ANO6: variants seen among roughly 807,000 people sequenced by gnomAD.
The protein encoded by ANO6 is anoctamin 6.
A neutral mutation model predicts 117.5 loss-of-function variants in ANO6; 106 were observed. The observed-to-expected ratio is 0.90, with a 90% CI of 0.77 to 1.06. The LOEUF (loss-of-function observed/expected upper bound fraction) is 1.06, where lower values mean the gene tolerates loss of function less well. Among genes scored for constraint, ANO6 ranks in the 50% least tolerant of loss-of-function variants. The pLI, the probability that ANO6 is intolerant of heterozygous loss-of-function variation, is 0.00. For missense variants in ANO6, 955 were observed against 1,121.1 expected (o/e 0.85, Z 2.12); for synonymous variants, 367 against 385.1 (o/e 0.95, Z 0.55).
chr12:45,297,810 G>A (rs1196739574), intron 1 of ANO6, among the ~76,000 whole-genome samples: 2 of 152,040 alleles, frequency 1.3e-5, no homozygotes, highest in African/African-American at 4.8e-5. Flanking sequence ...TCTTTTGACC[G>A]AAATCATCAA....
At chr12:45,360,372 G>A (rs58152224) in intron 8 of ANO6, among the ~76,000 whole-genome samples, 3,055 of 152,268 alleles carry the variant, frequency 0.02, 42 homozygotes, top group East Asian at 0.038. Context: ...GGCAAGTGGG[G>A]AGAACTCCCC....
chr12:45,302,172 T>A, intron 2 of ANO6, 79 bp downstream of exon 2: 2 of 1,297,634 alleles, frequency 1.5e-6, no homozygotes, highest in Non-Finnish European at 2.2e-6. Flanking sequence ...AGTTCTTTTA[T>A]GAATTCATTC....
chr12:45,408,636 T>TTAA (rs1943007450), intron 15 of ANO6, among the ~76,000 whole-genome samples: 1 of 152,190 alleles, frequency 6.6e-6, no homozygotes, highest in African/African-American at 2.4e-5. Flanking sequence ...AAATAGGAAT[T>TTAA]GGACCTATTT....
intron 10 of ANO6, among the ~76,000 whole-genome samples, chr12:45,381,257 G>A (rs1364184157): frequency 1.3e-5 from 2 of 152,212 alleles, no homozygotes; most frequent in East Asian, 3.8e-4. Context: ...AGGAAGAGCT[G>A]TTATTGATCC....
In ANO6 at chr12:45,216,284, A is replaced by G. The variant is rs540609555; in HGVS notation, c.-38A>G. 1.8e-5 allele frequency: 29 copies of G among 1,583,988 alleles called. No homozygotes were observed. The South Asian group carries it at 3.1e-4, about 17-fold the overall frequency. ...CCGTTCTGGAACCCGGGAGCCCCCA[A>G]CTTCGCGCCAAGTTCGGAGCCGCCT... On this transcript the variant is annotated 5_prime_UTR_variant, in exon 1 of 20. Coordinates refer to ENST00000320560, the MANE Select transcript of ANO6 (RefSeq NM_001025356.3).
Position 45,348,288 on chromosome 12 carries a change from C to T in ANO6, c.606C>T (p.Phe202=). 6.2e-7 allele frequency: 1 copy of T among 1,614,062 alleles called. No individual in the cohort carries two copies. Among genetic ancestry groups the T allele is most frequent in the Non-Finnish European group, 8.5e-7 (1 of 1,179,962 alleles). ...TTTACATAGTTGATAGAGATGCTTTCTTCAATCCAGCCACCAGAAGCCGCA... is the reference window on the plus strand; with the variant it reads ...TTTACATAGTTGATAGAGATGCTTTTTTCAATCCAGCCACCAGAAGCCGCA... The part of the protein sequence containing the change: ...NDFYIVDRDA[F]FNPATRSRIV... Residue 202 remains phenylalanine, a synonymous_variant, in exon 5 of 20, where the codon TTC becomes TTT. Transcript: ENST00000320560.
chr12:45,295,360 A>G (rs1939253055), intron 1 of ANO6, among the ~76,000 whole-genome samples: 1 of 152,208 alleles, frequency 6.6e-6, no homozygotes, highest in Non-Finnish European at 1.5e-5. Flanking sequence ...AACTGAGGCC[A>G]GAGAAAGAGA....
At chr12:45,370,537 G>A (rs1048909449) in intron 9 of ANO6, among the ~76,000 whole-genome samples, 20 of 152,212 alleles carry the variant, frequency 1.3e-4, no homozygotes, top group Non-Finnish European at 2.8e-4. Flanking sequence ...GGCAAGTAGA[G>A]TGTTGTCAAA....
chr12:45,324,935 T>A (rs1432896067), intron 2 of ANO6, among the ~76,000 whole-genome samples: 2 of 152,130 alleles, frequency 1.3e-5, no homozygotes, highest in Non-Finnish European at 2.9e-5. Flanking sequence ...TTAGAAAAGG[T>A]GGGCAATTCA....
intron 1 of ANO6, among the ~76,000 whole-genome samples, chr12:45,299,417 C>G (rs909521609): frequency 6.6e-6 from 1 of 152,224 alleles, no homozygotes; most frequent in Non-Finnish European, 1.5e-5. Flanking sequence ...TTGGTTCACA[C>G]ATAGGGTGTC....
intron 1 of ANO6, among the ~76,000 whole-genome samples, chr12:45,285,573 C>T (rs778432861): frequency 2.0e-5 from 3 of 151,934 alleles, no homozygotes; most frequent in Non-Finnish European, 4.4e-5. Flanking sequence ...TACTAAAATA[C>T]AAAAAATTAG....
At chr12:45,370,983 G>C (rs969437532) in intron 9 of ANO6, among the ~76,000 whole-genome samples, 1 of 152,208 alleles carries the variant, frequency 6.6e-6, no homozygotes, top group Non-Finnish European at 1.5e-5. Context: ...CAGACAGTGG[G>C]CGCAGGTCAG....
intron 7 of ANO6, among the ~76,000 whole-genome samples, chr12:45,352,586 A>G (rs1240541055): frequency 6.9e-6 from 1 of 145,244 alleles, no homozygotes; most frequent in Admixed American, 6.8e-5. Context: ...AAAAAAAGCC[A>G]GGCACGATGG....
chr12:45,230,340 G>A (rs1947556077), intron 1 of ANO6, among the ~76,000 whole-genome samples: 1 of 151,738 alleles, frequency 6.6e-6, no homozygotes, highest in African/African-American at 2.4e-5. Context: ...TATAACTTTG[G>A]GGCCTTGGTT....
chr12:45,221,173 T>G (rs1449232989), intron 1 of ANO6, among the ~76,000 whole-genome samples: 1 of 152,226 alleles, frequency 6.6e-6, no homozygotes, highest in Non-Finnish European at 1.5e-5. Flanking sequence ...CGTTCATTGC[T>G]GAACAACTAC....
At chr12:45,240,532 G>T (rs1486950822) in intron 1 of ANO6, among the ~76,000 whole-genome samples, 4 of 150,872 alleles carry the variant, frequency 2.7e-5, no homozygotes, top group Non-Finnish European at 5.9e-5. Context: ...TTTTAACTGG[G>T]GCATTTAACC....
intron 12 of ANO6, among the ~76,000 whole-genome samples, chr12:45,399,857 G>GA: frequency 6.6e-6 from 1 of 152,288 alleles, no homozygotes; most frequent in Non-Finnish European, 1.5e-5. Flanking sequence ...GTTATGATCA[G>GA]AAAAGTATTA....
chr12:45,260,437 A>T (rs529024516), intron 1 of ANO6, among the ~76,000 whole-genome samples: 1 of 152,352 alleles, frequency 6.6e-6, no homozygotes, highest in African/African-American at 2.4e-5. Context: ...CTTGCTAAAC[A>T]ATGTTGGCAA....
intron 1 of ANO6, among the ~76,000 whole-genome samples, chr12:45,275,391 G>A (rs763786985): frequency 1.3e-5 from 2 of 151,992 alleles, no homozygotes; most frequent in Admixed American, 6.6e-5. Context: ...TGTATTTTTA[G>A]TAGAGATGGG....
Sources: gnomAD v4.1 joint callset for allele counts (sites outside exome capture counted in the v4.1 genomes callset) on GRCh38, gnomAD v4.1.1 for gene constraint, MANE v1.5 for transcripts, NCBI Gene and HGNC (gene_info 2026-07-23, HGNC 2026-07-21) for gene names.